The following MRPS10 variants were observed in gnomAD, a reference collection of about 807,000 sequenced individuals.
The protein encoded by MRPS10 is small ribosomal subunit protein uS10m.
Under a neutral mutation model 27.5 loss-of-function variants are expected in MRPS10, and 23 were observed. The ratio of observed to expected loss-of-function variants is 0.84; its 90% confidence interval spans 0.60 to 1.18. The LOEUF (loss-of-function observed/expected upper bound fraction) is 1.18, where lower values mean the gene tolerates loss of function less well. Ranked by LOEUF, MRPS10 falls within the 50% of genes most tolerant of loss-of-function variation. The pLI is 0.00. For synonymous variants in MRPS10, 88 were observed against 84.2 expected (o/e 1.04, Z -0.25); for missense variants, 237 against 240.1 (o/e 0.99, Z 0.09).
chr6:42,216,359 T>TGAGAGAGAGGGAGAGAGAGA, intron 1 of MRPS10, among the ~76,000 whole-genome samples: 1 of 58,238 alleles, frequency 1.7e-5, no homozygotes, highest in East Asian at 1.5e-3. Context: ...TTGTATTTCT[T>TGAGAGAGAGGGAGAGAGAGA]GAGAGAGAGA....
chr6:42,217,514 C>A (rs115587120), intron 1 of MRPS10, among the ~76,000 whole-genome samples: 1 of 152,174 alleles, frequency 6.6e-6, no homozygotes, highest in Admixed American at 6.5e-5. Flanking sequence ...GTTTATTTTG[C>A]AAGCGTGAAA....
chr6:42,216,311 C>T (rs574370347), intron 1 of MRPS10, among the ~76,000 whole-genome samples: 4 of 148,474 alleles, frequency 2.7e-5, no homozygotes, highest in South Asian at 4.3e-4. Context: ...CGTGAGCCAC[C>T]GTGCCCGGCC....
chr6:42,214,256 T>C (rs1222812162), intron 2 of MRPS10, 24 bp downstream of exon 2: 1 of 1,610,722 alleles, frequency 6.2e-7, no homozygotes, highest in Non-Finnish European at 8.5e-7. Flanking sequence ...TTGTTCAATT[T>C]AGCACATCCA....
chr6:42,217,580 G>A (rs1258390240), intron 1 of MRPS10, among the ~76,000 whole-genome samples: 1 of 152,120 alleles, frequency 6.6e-6, no homozygotes, highest in Non-Finnish European at 1.5e-5. Context: ...GACATTCTAC[G>A]ATTATTCTTG....
In MRPS10 at chr6:42,207,789, C is replaced by T. The variant is rs1376184089; in HGVS notation, c.*500G>A. ...TATATTCAGTCTTCAAAATGTAATG[C>T]TTACATGAGATAAAATCGGTTGGTT... On this transcript the variant is annotated 3_prime_UTR_variant, in exon 7 of 7. Transcript: ENST00000053468. 1 of 164,142 alleles carries T rather than the reference C, an allele frequency of 6.1e-6. No individual in the cohort carries two copies. The highest frequency in any genetic ancestry group is 1.3e-5 in the Non-Finnish European group (1 of 77,066). The allele number at this position is 164,142 out of a possible 1,614,324, so 10.2% of individuals were successfully genotyped here.
chr6:42,216,006 TTTTC>T (rs1439456544), intron 1 of MRPS10, among the ~76,000 whole-genome samples: 24 of 142,392 alleles, frequency 1.7e-4, no homozygotes, highest in African/African-American at 5.7e-4. Flanking sequence ...CTGCTTTTTC[TTTTC>T]TTTTTTTTTT....
chr6:42,210,633 T>C (rs1768749071), intron 4 of MRPS10, 37 bp from the exon 5 acceptor site: 1 of 1,564,594 alleles, frequency 6.4e-7, no homozygotes, highest in African/African-American at 1.4e-5. Flanking sequence ...TGAGTCACTA[T>C]GATAACAAAG....
At chr6:42,216,522 G>GGT (rs1291443368) in intron 1 of MRPS10, among the ~76,000 whole-genome samples, 21 of 150,454 alleles carry the variant, frequency 1.4e-4, no homozygotes, top group African/African-American at 5.1e-4. Flanking sequence ...AAGAACAGTG[G>GGT]TTTTCAGGCC....
intron 3 of MRPS10, among the ~76,000 whole-genome samples, chr6:42,212,687 A>T (rs1768817656): frequency 6.6e-6 from 1 of 152,202 alleles, no homozygotes; most frequent in Non-Finnish European, 1.5e-5. Context: ...AAATTATACT[A>T]CTAATCCAAT....
rs1474954419 is a variant in MRPS10, at chr6:42,216,767, T to C, written c.48+1035A>G. 2.0e-5 allele frequency among the ~76,000 whole-genome samples: 3 copies of C among 152,104 alleles called. No individual in the cohort carries two copies. The East Asian group carries it at 5.8e-4, about 30-fold the overall frequency. ...TGGAGGCTGTAGTGAGCCGAGATCG[T>C]GCCATTGCGCTCCAGCTTGGGCGAC... On this transcript the variant is annotated intron_variant, in intron 1 of 6. Coordinates refer to ENST00000053468, the MANE Select transcript of MRPS10 (RefSeq NM_018141.4).
At chr6:42,211,200 T>C (rs1184709662) in intron 4 of MRPS10, among the ~76,000 whole-genome samples, 2 of 152,150 alleles carry the variant, frequency 1.3e-5, no homozygotes, top group Non-Finnish European at 2.9e-5. Context: ...TTAGGGAAGA[T>C]TTGAAATGAT....
At position 42,211,923 on chromosome 6, in the gene MRPS10, A is replaced by T. The variant is rs375867779; in HGVS notation, c.187-6T>A. The T allele has an allele frequency of 4.4e-6, 7 of 1,602,364 alleles. No individual in the cohort carries two copies. In the Admixed American group the frequency reaches 5.3e-5, roughly 12 times the overall value. Reference sequence around the variant, plus strand: ...GGTTCATCAGAGATTGTTACCTAAAATCCAAAAGAAAAGTTTCAGTTTTAG... The same window carrying T: ...GGTTCATCAGAGATTGTTACCTAAATTCCAAAAGAAAAGTTTCAGTTTTAG... On this transcript the variant is annotated splice_region_variant and splice_polypyrimidine_tract_variant and intron_variant, in intron 3 of 6. Transcript: ENST00000053468.
At chr6:42,217,361 C>T (rs1324909175) in intron 1 of MRPS10, among the ~76,000 whole-genome samples, 4 of 152,122 alleles carry the variant, frequency 2.6e-5, no homozygotes, top group African/African-American at 9.7e-5. Context: ...GATATCTAAC[C>T]CACTTCTCTG....
intron 1 of MRPS10, 86 bp from the exon 2 acceptor site, chr6:42,214,430 C>T: frequency 2.8e-6 from 3 of 1,082,846 alleles, no homozygotes; most frequent in Non-Finnish European, 4.1e-6. Context: ...TAAAAGGTTA[C>T]CTCATTATTT....
At chr6:42,211,115 C>T (rs536829133) in intron 4 of MRPS10, among the ~76,000 whole-genome samples, 2 of 152,190 alleles carry the variant, frequency 1.3e-5, no homozygotes, top group Non-Finnish European at 2.9e-5. Flanking sequence ...ACAAAGGAGA[C>T]AGTTATGCTT....
At chr6:42,216,873 C>G (rs554370896) in intron 1 of MRPS10, among the ~76,000 whole-genome samples, 21 of 152,270 alleles carry the variant, frequency 1.4e-4, no homozygotes, top group African/African-American at 4.1e-4. Context: ...TCTGTGGGGT[C>G]TGAGACACTT....
chr6:42,217,659 C>A, intron 1 of MRPS10, 143 bp downstream of exon 1: 2 of 744,254 alleles, frequency 2.7e-6, no homozygotes, highest in East Asian at 2.7e-5. Flanking sequence ...AAACTAGCCC[C>A]TTTCTCGTCA....
rs1317397867 is a variant in MRPS10 at position 42,208,845 on chromosome 6, A to T, written c.522+13T>A. 2 of 1,571,734 alleles carry T rather than the reference A, an allele frequency of 1.3e-6. No homozygotes were observed. The highest frequency in any genetic ancestry group is 2.7e-5 in the African/African-American group (2 of 72,960). On this transcript the variant is annotated intron_variant, in intron 6 of 6. Transcript: ENST00000053468. ...CACCGCCCCACCGAAAGAGGCAGAA[A>T]TTCAAGCTATACCTTTGTTACTTCC...
At chr6:42,210,975 T>A (rs1287809246) in intron 4 of MRPS10, among the ~76,000 whole-genome samples, 1 of 152,246 alleles carries the variant, frequency 6.6e-6, no homozygotes, top group Non-Finnish European at 1.5e-5. Flanking sequence ...TAGGAAAATC[T>A]ACAGATAAAT....
Sources: allele counts gnomAD v4.1 joint callset (sites outside exome capture counted in the v4.1 genomes callset), GRCh38; gene constraint gnomAD v4.1.1; transcripts MANE v1.5; gene names NCBI Gene and HGNC (gene_info 2026-07-23, HGNC 2026-07-21).